The following RPIA variants were observed in gnomAD, a reference collection of about 807,000 sequenced individuals.
RPIA encodes the protein ribose 5-phosphate isomerase A, also known as ribose-5-phosphate isomerase.
Under a neutral mutation model 37.8 loss-of-function variants are expected in RPIA, and 29 were observed. That is an observed-to-expected ratio of 0.77 (90% CI 0.57 to 1.05). The LOEUF is 1.05. RPIA is among the 50% of genes least tolerant of loss of function. The pLI is 0.00. For synonymous variants in RPIA, 167 were observed against 157.0 expected, an observed-to-expected ratio of 1.06 and a Z score of -0.48; for missense variants, 385 against 413.6, an observed-to-expected ratio of 0.93 and a Z score of 0.60.
chr2:88,703,555 G>A (rs1231328929), intron 3 of RPIA, among the ~76,000 whole-genome samples: 1 of 152,204 alleles, frequency 6.6e-6, no homozygotes, highest in Non-Finnish European at 1.5e-5. Flanking sequence ...TCAGCCAGGG[G>A]TGGAGTGGCT....
chr2:88,739,509 T>C (rs1673357609), intron 8 of RPIA, among the ~76,000 whole-genome samples: 1 of 152,256 alleles, frequency 6.6e-6, no homozygotes, highest in African/African-American at 2.4e-5. Flanking sequence ...GGTACTATTG[T>C]TATTTTTAAT....
At chr2:88,742,630 G>A (rs13415925) in intron 8 of RPIA, among the ~76,000 whole-genome samples, 3 of 152,008 alleles carry the variant, frequency 2.0e-5, no homozygotes, top group Admixed American at 6.6e-5. Context: ...TGTAGAATGC[G>A]TTTGGCAGTA....
chr2:88,697,373 A>T (rs1672762567), intron 1 of RPIA, among the ~76,000 whole-genome samples: 1 of 152,280 alleles, frequency 6.6e-6, no homozygotes, highest in African/African-American at 2.4e-5. Flanking sequence ...TAGGTGCTTA[A>T]TAAATGGTAG....
At chr2:88,738,255 C>T (rs143609946) in intron 8 of RPIA, among the ~76,000 whole-genome samples, 179 bp downstream of exon 8, 1 of 152,208 alleles carries the variant, frequency 6.6e-6, no homozygotes, top group East Asian at 1.9e-4. Flanking sequence ...TTCCCTTCCC[C>T]CAACAATTGT....
intron 3 of RPIA, among the ~76,000 whole-genome samples, chr2:88,728,477 G>C (rs1253826357): frequency 2.0e-5 from 3 of 152,256 alleles, no homozygotes; most frequent in African/African-American, 7.2e-5. Flanking sequence ...CGTTGTGAAG[G>C]CTTGTCTTTA....
intron 8 of RPIA, among the ~76,000 whole-genome samples, chr2:88,746,926 T>C (rs10174614): frequency 0.064 from 9,783 of 152,130 alleles, 559 homozygotes; most frequent in African/African-American, 0.15. Context: ...GCATCAGCTG[T>C]AGTAGTATAG....
intron 3 of RPIA, among the ~76,000 whole-genome samples, chr2:88,713,344 G>A (rs1244251459): frequency 1.3e-5 from 2 of 151,106 alleles, no homozygotes; most frequent in African/African-American, 2.4e-5. Context: ...ATCTTTATGC[G>A]ACTTTTCCTC....
chr2:88,742,318 C>T (rs183375836), intron 8 of RPIA, among the ~76,000 whole-genome samples: 1 of 152,198 alleles, frequency 6.6e-6, no homozygotes, highest in African/African-American at 2.4e-5. Context: ...TCCTTTCCCC[C>T]TTGATATTTT....
chr2:88,720,982 T>C (rs1042760136), intron 3 of RPIA, among the ~76,000 whole-genome samples: 10 of 152,136 alleles, frequency 6.6e-5, no homozygotes, highest in African/African-American at 2.4e-4. Flanking sequence ...CCATCAATAA[T>C]AGACTGGATA....
At chr2:88,726,741 GT>G (rs201646200) in intron 3 of RPIA, among the ~76,000 whole-genome samples, 40 of 151,928 alleles carry the variant, frequency 2.6e-4, no homozygotes, top group South Asian at 6.3e-4. Flanking sequence ...GCAGTGTGGG[GT>G]TTTTTTTGTT....
At position 88,744,392 on chromosome 2, in the gene RPIA, T is replaced by A. The variant is rs1036742749; in HGVS notation, c.839-5589T>A. On this transcript the variant is annotated intron_variant, in intron 8 of 8. Coordinates refer to ENST00000283646, the MANE Select transcript of RPIA (RefSeq NM_144563.3). ...AGTACTTGATATAATTTAGATTTTT[T>A]AAAATTTATTGAGACTTGTTTTGTA... Among the ~76,000 whole-genome samples, 7 of 152,240 alleles carry A rather than the reference T, an allele frequency of 4.6e-5. 1 individual carries two copies. In the South Asian group the frequency reaches 6.2e-4, roughly 13 times the overall value.
At chr2:88,740,658 A>G (rs1037988048) in intron 8 of RPIA, among the ~76,000 whole-genome samples, 3 of 152,160 alleles carry the variant, frequency 2.0e-5, no homozygotes, top group African/African-American at 7.2e-5. Context: ...CCCTAGGTTC[A>G]CATTTAGCAT....
At chr2:88,721,467 T>C (rs1673126306) in intron 3 of RPIA, among the ~76,000 whole-genome samples, 1 of 146,952 alleles carries the variant, frequency 6.8e-6, no homozygotes. Context: ...AAATACAACA[T>C]ATTAGTATAT....
At chr2:88,746,934 T>C (rs1673444543) in intron 8 of RPIA, among the ~76,000 whole-genome samples, 1 of 152,078 alleles carries the variant, frequency 6.6e-6, no homozygotes. Flanking sequence ...TGTAGTAGTA[T>C]AGGGGGGATA....
intron 1 of RPIA, among the ~76,000 whole-genome samples, chr2:88,694,968 C>G (rs1268154409): frequency 8.9e-6 from 1 of 112,772 alleles, no homozygotes; most frequent in Non-Finnish European, 1.8e-5. Flanking sequence ...CATACCTATT[C>G]AATAAAGTCT....
Position 88,691,872 on chromosome 2 carries a change from A to C in RPIA, c.174A>C (p.Thr58=). Residue 58 remains threonine, a synonymous_variant, in exon 1 of 9, where the codon ACA becomes ACC. Transcript: ENST00000283646. ...QSGTRGGAGN[T]STSCGDSNSI... ...GGACCCGTGGCGGTGCTGGCAACAC[A>C]AGCACCAGCTGCGGGGACTCCAACA... 6.3e-7 allele frequency: 1 copy of C among 1,595,408 alleles called. No individual in the cohort carries two copies. The highest frequency in any genetic ancestry group is 8.5e-7 in the Non-Finnish European group (1 of 1,172,256).
In RPIA at chr2:88,691,696, G is replaced by C. The variant is rs371070595; in HGVS notation, c.-3G>C. On this transcript the variant is annotated 5_prime_UTR_variant, in exon 1 of 9. Transcript: ENST00000283646. ...TCAGCGGAGGCCGGAGCGAGGCGTC[G>C]GGATGCAGCGCCCCGGGCCCTTCAG... is the stretch of plus-strand genomic sequence containing the variant. 1.9e-6 allele frequency: 3 copies of C among 1,568,370 alleles called. No homozygotes were observed. The East Asian group carries it at 6.8e-5, about 35-fold the overall frequency.
At chr2:88,738,134 C>G in intron 8 of RPIA, 58 bp downstream of exon 8, 2 of 1,237,202 alleles carry the variant, frequency 1.6e-6, no homozygotes, top group Non-Finnish European at 2.4e-6. Context: ...TAACTGGCCC[C>G]TACATCTGGC....
chr2:88,732,757 A>G lies in RPIA; in HGVS notation c.463-1795A>G, dbSNP rs1673261318. Among the ~76,000 whole-genome samples, 2 of 12,022 alleles carry G rather than the reference A, an allele frequency of 1.7e-4. 1 individual carries two copies. The highest frequency in any genetic ancestry group is 3.6e-4 in the Non-Finnish European group (2 of 5,544). 7.9% of individuals were successfully genotyped at this position (12,022 alleles called of 152,430 possible). On this transcript the variant is annotated intron_variant, in intron 4 of 8. Coordinates refer to ENST00000283646, the MANE Select transcript of RPIA (RefSeq NM_144563.3). ...AAAAAAAAAAAAAAAAAAAAAAAAA[A>G]AAAAAAAAGAAAATATTAAAACTAA...
Sources: allele counts gnomAD v4.1 joint callset (sites outside exome capture counted in the v4.1 genomes callset), GRCh38; gene constraint gnomAD v4.1.1; transcripts MANE v1.5; gene names NCBI Gene and HGNC (gene_info 2026-07-23, HGNC 2026-07-21).